Variants in PI4K2A observed in about 807,000 individuals in gnomAD.
PI4K2A encodes phosphatidylinositol 4-kinase type 2 alpha, also known as phosphatidylinositol 4-kinase type 2-alpha.
In PI4K2A, 20 loss-of-function variants were observed where a neutral mutation model predicts 55.0. The observed-to-expected ratio is 0.36, with a 90% CI of 0.26 to 0.53. The LOEUF is 0.53. Ranked by LOEUF, PI4K2A falls within the 20% of genes least tolerant of loss-of-function variation. PI4K2A has a pLI of 0.91. For synonymous variants in PI4K2A, 235 were observed against 258.5 expected (o/e 0.91, Z 0.87); for missense variants, 463 against 637.1 (o/e 0.73, Z 2.94).
Position 97,656,201 on chromosome 10 carries a change from ACAT to A in PI4K2A, c.637-81_637-79del. ...CCTGGAAGAGGAATAGGATTTGTGA[ACAT>A]CAAGCTATTTATTCTCTGCCATAGT... On this transcript the variant is annotated intron_variant, in intron 2 of 8. Coordinates refer to ENST00000370631, the Ensembl canonical transcript of PI4K2A. The surrounding 1 kb of genome is among the most constrained non-coding windows in gnomAD (Gnocchi z 4.5). 1 of 1,113,628 alleles carries A rather than the reference ACAT, an allele frequency of 9.0e-7. No individual in the cohort carries two copies. Among genetic ancestry groups the A allele is most frequent in the Non-Finnish European group, 1.3e-6 (1 of 748,182 alleles). 69.0% of individuals were successfully genotyped at this position (1,113,628 alleles called of 1,614,324 possible).
rs754229656 is a variant in PI4K2A, at chr10:97,673,615, A to G, written c.1313A>G (p.Lys438Arg). 2.2e-5 allele frequency: 35 copies of G among 1,614,012 alleles called. No homozygotes were observed. Among genetic ancestry groups the G allele is most frequent in the Admixed American group, 8.3e-5 (5 of 60,000 alleles). Residue 438 changes from lysine to arginine, a missense_variant, in exon 9 of 9, where the codon AAG becomes AGG. Lys to Arg is a conservative substitution (Grantham distance 26, BLOSUM62 2). Coordinates refer to ENST00000370631, the Ensembl canonical transcript of PI4K2A. ...CTGACCCAGGCCTTGAAAGACAACA[A>G]GAGTCCCCTGCACCTCGTCCAGATG...
exon 1 of PI4K2A, chr10:97,641,056 C>T (rs771911428): frequency 4.0e-5 from 65 of 1,605,078 alleles, no homozygotes; most frequent in Non-Finnish European, 5.4e-5. Context: ...AACGAGTTCC[C>T]GGAGGATCCT....
chr10:97,651,036 C>T (rs769544616), exon 2 of PI4K2A: 2 of 1,614,066 alleles, frequency 1.2e-6, no homozygotes, highest in Non-Finnish European at 1.7e-6. Context: ...GCTGTCCTTG[C>T]TGCTTTGGCC....
intron 8 of PI4K2A, among the ~76,000 whole-genome samples, chr10:97,670,467 A>G (rs1484885033): frequency 6.6e-6 from 1 of 152,182 alleles, no homozygotes. Flanking sequence ...TCTGAATAAT[A>G]TCTATTTAAT....
At chr10:97,655,986 C>T (rs778994185) in intron 2 of PI4K2A, among the ~76,000 whole-genome samples, 5 of 152,198 alleles carry the variant, frequency 3.3e-5, no homozygotes, top group Non-Finnish European at 7.3e-5. Context: ...TGGTGTGGCT[C>T]TGCTATTTCC....
At chr10:97,649,005 T>G (rs1339148572) in intron 1 of PI4K2A, among the ~76,000 whole-genome samples, 1 of 152,214 alleles carries the variant, frequency 6.6e-6, no homozygotes, top group East Asian at 1.9e-4. Context: ...GAAGGCATTT[T>G]TAAAGGAGCT....
chr10:97,657,408 G>A (rs1252031483), intron 4 of PI4K2A, among the ~76,000 whole-genome samples: 7 of 152,024 alleles, frequency 4.6e-5, no homozygotes, highest in African/African-American at 1.7e-4. Context: ...TGGCTCATGC[G>A]TGTACTCCCA....
intron 1 of PI4K2A, among the ~76,000 whole-genome samples, chr10:97,641,591 C>CA (rs1457819010): frequency 6.6e-6 from 1 of 152,130 alleles, no homozygotes; most frequent in Non-Finnish European, 1.5e-5. Flanking sequence ...TGTCGCTGTT[C>CA]ACGGAGGAGG....
At chr10:97,657,064 T>G in intron 4 of PI4K2A, 90 bp downstream of exon 4, 2 of 1,303,508 alleles carry the variant, frequency 1.5e-6, no homozygotes, top group Non-Finnish European at 2.2e-6. Context: ...GGAGTCAGAG[T>G]ACCTTGTCCA....
intron 1 of PI4K2A, among the ~76,000 whole-genome samples, chr10:97,641,695 C>T (rs546808306): frequency 3.0e-4 from 46 of 152,220 alleles, no homozygotes; most frequent in African/African-American, 1.0e-3. Context: ...TATTAACAGA[C>T]GTTGAAGAAA....
At chr10:97,671,507 T>G (rs2041635032) in intron 8 of PI4K2A, among the ~76,000 whole-genome samples, 1 of 152,146 alleles carries the variant, frequency 6.6e-6, no homozygotes, top group South Asian at 2.1e-4. Flanking sequence ...AGGAACTCTT[T>G]GTACAATCTG....
chr10:97,654,627 T>C (rs187480126), intron 2 of PI4K2A, among the ~76,000 whole-genome samples: 2 of 152,344 alleles, frequency 1.3e-5, no homozygotes, highest in East Asian at 3.9e-4. Flanking sequence ...AAATATTTAA[T>C]GAGCATATGC....
At chr10:97,646,794 GA>G (rs2135752967) in intron 1 of PI4K2A, among the ~76,000 whole-genome samples, 1 of 152,018 alleles carries the variant, frequency 6.6e-6, no homozygotes, top group Admixed American at 6.6e-5. Context: ...TTTGTTTTGA[GA>G]GGGGGGTCTA....
intron 8 of PI4K2A, among the ~76,000 whole-genome samples, chr10:97,667,796 G>A (rs988838480): frequency 1.3e-5 from 2 of 152,194 alleles, no homozygotes; most frequent in African/African-American, 4.8e-5. Context: ...TCTGTGGCCT[G>A]GGGCAAAAGC....
chr10:97,667,510 G>C (rs2041615685), intron 8 of PI4K2A, among the ~76,000 whole-genome samples: 1 of 152,092 alleles, frequency 6.6e-6, no homozygotes, highest in Admixed American at 6.6e-5. Flanking sequence ...GCGCCCGGCC[G>C]TGTTTTACAG....
intron 1 of PI4K2A, among the ~76,000 whole-genome samples, chr10:97,641,520 G>T (rs1472977910): frequency 6.6e-6 from 1 of 152,122 alleles, no homozygotes; most frequent in African/African-American, 2.4e-5. Context: ...CTATTCGGCC[G>T]CCGACTTGCA....
intron 1 of PI4K2A, among the ~76,000 whole-genome samples, chr10:97,647,524 C>T (rs1002496015): frequency 1.3e-5 from 2 of 152,164 alleles, no homozygotes; most frequent in Non-Finnish European, 2.9e-5. Context: ...GGAAATTAGG[C>T]CAGAGGGTAT....
intron 1 of PI4K2A, among the ~76,000 whole-genome samples, chr10:97,642,827 C>CT (rs1179628742): frequency 0.14 from 2,713 of 19,078 alleles, 447 homozygotes; most frequent in African/African-American, 0.2. Flanking sequence ...TCCTTCCTTC[C>CT]TTCCTTCCTT....
exon 9 of PI4K2A, chr10:97,673,864 C>A: frequency 1.2e-6 from 1 of 828,068 alleles, no homozygotes; most frequent in Non-Finnish European, 1.9e-6. Context: ...TCTCTCTCTG[C>A]TTGCCACCCT....
Sources: allele counts gnomAD v4.1 joint callset (sites outside exome capture counted in the v4.1 genomes callset), GRCh38; gene constraint gnomAD v4.1.1; non-coding constraint Gnocchi (gnomAD v3.1); transcripts MANE v1.5; gene names NCBI Gene and HGNC (gene_info 2026-07-23, HGNC 2026-07-21).